Variants in ADGRV1 observed in about 807,000 individuals in gnomAD.
ADGRV1 encodes adhesion G protein-coupled receptor V1.
Under a neutral mutation model 596.2 loss-of-function variants are expected in ADGRV1, and 359 were observed. The observed-to-expected ratio is 0.60, with a 90% CI of 0.55 to 0.66. ADGRV1 has a LOEUF of 0.66. Ranked by LOEUF, ADGRV1 falls within the 30% of genes least tolerant of loss-of-function variation. ADGRV1 has a pLI of 0.00. For missense variants in ADGRV1, 7,274 were observed against 7,575.6 expected (o/e 0.96, Z 1.48); for synonymous variants, 2,681 against 2,679.2 (o/e 1.00, Z -0.02).
intron 55 of ADGRV1, 97 bp downstream of exon 55, chr5:90,755,282 A>G: frequency 1.3e-6 from 1 of 751,442 alleles, no homozygotes; most frequent in South Asian, 2.1e-5. Context: ...TTTTTTAATA[A>G]AAGGATTCTT....
chr5:90,817,388 C>G (rs1487802826), intron 75 of ADGRV1, among the ~76,000 whole-genome samples: 4 of 151,244 alleles, frequency 2.6e-5, no homozygotes, highest in African/African-American at 9.8e-5. Context: ...ATGGTAGTTT[C>G]TTTTGCTGTG....
At chr5:90,912,060 T>C (rs1462074248) in intron 83 of ADGRV1, among the ~76,000 whole-genome samples, 116 of 152,274 alleles carry the variant, frequency 7.6e-4, no homozygotes, top group Non-Finnish European at 7.4e-5. Flanking sequence ...GGAGTTGTTA[T>C]GAAACATGTA....
intron 83 of ADGRV1, among the ~76,000 whole-genome samples, chr5:90,903,570 C>T (rs979151146): frequency 6.6e-6 from 1 of 151,960 alleles, no homozygotes; most frequent in African/African-American, 2.4e-5. Context: ...TTAGCATGGA[C>T]CTCAAGCCAA....
At chr5:90,622,755 A>G in intron 5 of ADGRV1, 54 bp downstream of exon 5, 13 of 894,822 alleles carry the variant, frequency 1.5e-5, no homozygotes, top group Non-Finnish European at 2.1e-5. Context: ...TTATTTATTT[A>G]TTTTTGAGAC....
chr5:90,619,197 G>C lies in ADGRV1; in HGVS notation c.453+16G>C, dbSNP rs762135855. The stretch of plus-strand genomic sequence containing the variant: ...ATTTAATATGGTATGGACACAATTT[G>C]ATGATAATTGTGGTTGCTAGATAAT... On this transcript the variant is annotated intron_variant, in intron 4 of 89. Coordinates refer to ENST00000405460, the MANE Select transcript of ADGRV1 (RefSeq NM_032119.4). The C allele has an allele frequency of 8.9e-7, 1 of 1,128,790 alleles. No individual in the cohort carries two copies. Among genetic ancestry groups the C allele is most frequent in the African/African-American group, 1.6e-5 (1 of 62,004 alleles). The allele number at this position is 1,128,790 out of a possible 1,614,324, so 69.9% of individuals were successfully genotyped here. A position where few individuals can be genotyped will look rare whatever the true frequency, so the allele number is the denominator to read the frequency against.
At position 91,161,508 on chromosome 5, in the gene ADGRV1, G is replaced by GTT. The variant is rs372339480; in HGVS notation, c.18803-2258_18803-2257dup. 6.7e-3 allele frequency among the ~76,000 whole-genome samples: 857 copies of GTT among 128,814 alleles called. 14 individuals are homozygous for GTT. The highest frequency in any genetic ancestry group is 0.024 in the Middle Eastern group (6 of 250). 84.5% of individuals were successfully genotyped at this position (128,814 alleles called of 152,430 possible). On this transcript the variant is annotated intron_variant, in intron 89 of 89. Transcript: ENST00000405460. ...GATCTTCTGGTTGTTGTTTTTGTTAGTTTTTTTTTTTTTTTTTCAAGAGAA... is the reference window on the plus strand; with the variant it reads ...GATCTTCTGGTTGTTGTTTTTGTTAGTTTTTTTTTTTTTTTTTTTCAAGAGAA...
intron 85 of ADGRV1, among the ~76,000 whole-genome samples, chr5:91,035,859 T>TTA (rs1784825408): frequency 2.3e-5 from 1 of 43,870 alleles, no homozygotes; most frequent in Non-Finnish European, 5.8e-5. Context: ...TATATATATA[T>TTA]ATTATATATA....
intron 80 of ADGRV1, 69 bp from the exon 81 acceptor site, chr5:90,853,993 C>A: frequency 1.7e-6 from 2 of 1,159,110 alleles, no homozygotes; most frequent in Non-Finnish European, 2.5e-6. Flanking sequence ...AAGTCAAGTT[C>A]AGGGTAAGAG....
At chr5:90,900,814 C>T (rs1028536695) in intron 83 of ADGRV1, among the ~76,000 whole-genome samples, 1 of 152,102 alleles carries the variant, frequency 6.6e-6, no homozygotes, top group Non-Finnish European at 1.5e-5. Flanking sequence ...GACTTCCACC[C>T]AGCAATGCTT....
At chr5:91,154,816 C>A (rs1195571509) in intron 89 of ADGRV1, among the ~76,000 whole-genome samples, 1 of 152,198 alleles carries the variant, frequency 6.6e-6, no homozygotes, top group Non-Finnish European at 1.5e-5. Flanking sequence ...GTAAAACCAT[C>A]AGATCTCGTG....
At chr5:90,958,361 A>T (rs1288081635) in intron 83 of ADGRV1, among the ~76,000 whole-genome samples, 1 of 152,064 alleles carries the variant, frequency 6.6e-6, no homozygotes, top group Non-Finnish European at 1.5e-5. Flanking sequence ...TTCAATAGGG[A>T]AATATAATTA....
At chr5:90,955,317 T>C (rs1247042263) in intron 83 of ADGRV1, among the ~76,000 whole-genome samples, 1 of 152,192 alleles carries the variant, frequency 6.6e-6, no homozygotes, top group African/African-American at 2.4e-5. Flanking sequence ...TTTTCTTGCT[T>C]TCTGTCTGAA....
At position 91,048,599 on chromosome 5, in the gene ADGRV1, C is replaced by CA. The variant is rs550955975; in HGVS notation, c.18153-23841dup. On this transcript the variant is annotated intron_variant, in intron 85 of 89. Transcript: ENST00000405460. The stretch of plus-strand genomic sequence containing the variant: ...CTCTTTTTCCTATACAAGTGCATGC[C>CA]AAAAAAATAAATAAATAAAACTAAT... 2.4e-4 allele frequency among the ~76,000 whole-genome samples: 36 copies of CA among 152,090 alleles called. No homozygotes were observed. In the South Asian group the frequency reaches 4.2e-3, roughly 18 times the overall value.
At chr5:91,078,300 T>G (rs932511528) in intron 86 of ADGRV1, among the ~76,000 whole-genome samples, 1 of 152,180 alleles carries the variant, frequency 6.6e-6, no homozygotes, top group African/African-American at 2.4e-5. Flanking sequence ...TCTTGTCGTT[T>G]TTAAAATTTC....
intron 87 of ADGRV1, among the ~76,000 whole-genome samples, chr5:91,118,403 T>G (rs1005947014): frequency 1.3e-5 from 2 of 152,166 alleles, no homozygotes; most frequent in Admixed American, 1.3e-4. Flanking sequence ...AATTATTTTT[T>G]GTAAATACCA....
chr5:90,854,627 A>G (rs116576016), intron 81 of ADGRV1, among the ~76,000 whole-genome samples: 1,588 of 152,330 alleles, frequency 0.01, 24 homozygotes, highest in African/African-American at 0.037. Flanking sequence ...GGCTTGAAGT[A>G]CATTTTGAGA....
chr5:90,618,877 G>A (rs531920516), intron 3 of ADGRV1, among the ~76,000 whole-genome samples: 1 of 151,960 alleles, frequency 6.6e-6, no homozygotes, highest in South Asian at 2.1e-4. Context: ...GTGACTAATG[G>A]TTTTCAAAAC....
At chr5:90,976,318 G>GTATATATATA (rs1465709028) in intron 84 of ADGRV1, among the ~76,000 whole-genome samples, 68 of 120,762 alleles carry the variant, frequency 5.6e-4, no homozygotes, top group African/African-American at 2.0e-3. Flanking sequence ...GTGTGTGTGT[G>GTATATATATA]TGTGTATATA....
chr5:91,134,648 C>G (rs1794486754), intron 87 of ADGRV1, among the ~76,000 whole-genome samples: 1 of 152,118 alleles, frequency 6.6e-6, no homozygotes, highest in East Asian at 1.9e-4. Flanking sequence ...ATTAATTGTA[C>G]AAACATTTCC....
Sources: allele counts gnomAD v4.1 joint callset (sites outside exome capture counted in the v4.1 genomes callset), GRCh38; gene constraint gnomAD v4.1.1; transcripts MANE v1.5; gene names NCBI Gene and HGNC (gene_info 2026-07-23, HGNC 2026-07-21).